Variants in XRCC4 observed in about 807,000 individuals in gnomAD.
The protein encoded by XRCC4 is DNA repair protein XRCC4.
Under a neutral mutation model 39.1 loss-of-function variants are expected in XRCC4, and 28 were observed. The ratio of observed to expected loss-of-function variants is 0.72; its 90% confidence interval spans 0.53 to 0.98. The LOEUF is 0.98. XRCC4 is among the 50% of genes least tolerant of loss of function. The pLI is 0.00. For missense variants in XRCC4, 350 were observed against 376.4 expected (o/e 0.93, Z 0.58); for synonymous variants, 123 against 126.4 (o/e 0.97, Z 0.18).
At chr5:83,150,186 C>T (rs993190478) in intron 3 of XRCC4, among the ~76,000 whole-genome samples, 6 of 152,088 alleles carry the variant, frequency 3.9e-5, no homozygotes, top group African/African-American at 4.8e-5. Context: ...AATACCAGCA[C>T]TCTTCATAAA....
At chr5:83,303,460 T>G (rs1001587656) in intron 7 of XRCC4, among the ~76,000 whole-genome samples, 25 of 152,148 alleles carry the variant, frequency 1.6e-4, no homozygotes, top group Non-Finnish European at 3.1e-4. Context: ...AAATGTTGGT[T>G]GGTGAATGAA....
At chr5:83,191,708 A>G (rs1422810045) in intron 3 of XRCC4, among the ~76,000 whole-genome samples, 1 of 152,102 alleles carries the variant, frequency 6.6e-6, no homozygotes, top group Non-Finnish European at 1.5e-5. Context: ...AAAAAACCCA[A>G]AAAACAAAAA....
At chr5:83,344,736 C>T (rs975177196) in intron 7 of XRCC4, among the ~76,000 whole-genome samples, 4 of 152,116 alleles carry the variant, frequency 2.6e-5, no homozygotes, top group African/African-American at 9.7e-5. Context: ...TCTCCTGATA[C>T]ACATATGCAA....
chr5:83,246,951 T>C (rs1332747847), intron 6 of XRCC4, among the ~76,000 whole-genome samples: 2 of 152,206 alleles, frequency 1.3e-5, no homozygotes, highest in Non-Finnish European at 2.9e-5. Context: ...CCTAGCTGTT[T>C]ATGAATCATA....
At chr5:83,094,884 CTTTT>C (rs74373750) in intron 1 of XRCC4, among the ~76,000 whole-genome samples, 10 of 127,926 alleles carry the variant, frequency 7.8e-5, no homozygotes, top group African/African-American at 1.1e-4. Flanking sequence ...ATTCTGAAAT[CTTTT>C]TTTTTTTTTT....
intron 7 of XRCC4, among the ~76,000 whole-genome samples, chr5:83,292,800 A>C (rs1335773735): frequency 6.6e-6 from 1 of 151,894 alleles, no homozygotes; most frequent in East Asian, 1.9e-4. Context: ...ATAAATTCAT[A>C]ATTTAATCAG....
At chr5:83,157,005 T>C (rs751289524) in intron 3 of XRCC4, among the ~76,000 whole-genome samples, 5 of 151,776 alleles carry the variant, frequency 3.3e-5, no homozygotes, top group Non-Finnish European at 7.4e-5. Context: ...CTCCCTCCTT[T>C]CATTTTTAGA....
intron 7 of XRCC4, among the ~76,000 whole-genome samples, chr5:83,307,812 C>T (rs931503069): frequency 5.3e-5 from 8 of 152,186 alleles, no homozygotes; most frequent in African/African-American, 1.4e-4. Flanking sequence ...TTTATGTATA[C>T]ACCTGTTTAC....
chr5:83,189,286 CT>C (rs928376078), intron 3 of XRCC4, among the ~76,000 whole-genome samples: 28 of 150,938 alleles, frequency 1.9e-4, no homozygotes, highest in Admixed American at 4.6e-4. Context: ...GAGTTTTTTT[CT>C]TTTTTTTTGC....
chr5:83,274,493 G>T (rs1198835787), intron 7 of XRCC4, among the ~76,000 whole-genome samples: 1 of 152,156 alleles, frequency 6.6e-6, no homozygotes, highest in African/African-American at 2.4e-5. Flanking sequence ...ACATGGTGGG[G>T]AGCAAAACAG....
intron 7 of XRCC4, among the ~76,000 whole-genome samples, chr5:83,315,074 A>G (rs1755833500): frequency 6.6e-6 from 1 of 152,174 alleles, no homozygotes; most frequent in Non-Finnish European, 1.5e-5. Context: ...AACTTTTTGA[A>G]GGAAATTAAA....
At chr5:83,336,662 A>G (rs140424449) in intron 7 of XRCC4, among the ~76,000 whole-genome samples, 53 of 152,308 alleles carry the variant, frequency 3.5e-4, no homozygotes, top group African/African-American at 1.3e-3. Flanking sequence ...TAATAATTTA[A>G]TGAAGCGTAG....
intron 3 of XRCC4, among the ~76,000 whole-genome samples, chr5:83,135,314 C>G (rs1747840551): frequency 3.3e-5 from 5 of 152,102 alleles, no homozygotes; most frequent in Admixed American, 2.0e-4. Context: ...ACACTGGGAG[C>G]TATAGACTGG....
At chr5:83,203,090 GT>G (rs1459466400) in intron 4 of XRCC4, among the ~76,000 whole-genome samples, 1 of 152,012 alleles carries the variant, frequency 6.6e-6, no homozygotes, top group South Asian at 2.1e-4. Flanking sequence ...GATAAGTCGT[GT>G]TCTTGTTGTG....
intron 3 of XRCC4, among the ~76,000 whole-genome samples, chr5:83,136,375 T>C (rs1162955436): frequency 6.6e-6 from 1 of 152,220 alleles, no homozygotes; most frequent in African/African-American, 2.4e-5. Context: ...GGCTTAGTCT[T>C]CTGGATACCA....
At chr5:83,372,029 T>C in the XRCC4 span, among the ~76,000 whole-genome samples, 1 of 152,204 alleles carries the variant, frequency 6.6e-6, no homozygotes, top group Non-Finnish European at 1.5e-5. Context: ...GTAGATTTTG[T>C]TGGCCTGTTG....
intron 3 of XRCC4, among the ~76,000 whole-genome samples, chr5:83,122,738 GT>G (rs2112448721): frequency 6.6e-6 from 1 of 152,040 alleles, no homozygotes; most frequent in Admixed American, 6.6e-5. Context: ...GGTATGTTGT[GT>G]TTTCATTTTC....
At chr5:83,115,392 A>C (rs1029784303) in intron 3 of XRCC4, among the ~76,000 whole-genome samples, 1 of 152,214 alleles carries the variant, frequency 6.6e-6, no homozygotes, top group Non-Finnish European at 1.5e-5. Context: ...ACACCATTGC[A>C]CTTCAGCCTG....
chr5:83,126,008 A>T (rs1220709934), intron 3 of XRCC4, among the ~76,000 whole-genome samples: 1 of 141,118 alleles, frequency 7.1e-6, no homozygotes, highest in Non-Finnish European at 1.5e-5. Context: ...AAAAAAAAAA[A>T]ATTGAGTTAC....
Sources: gnomAD v4.1 joint callset for allele counts (sites outside exome capture counted in the v4.1 genomes callset) on GRCh38, gnomAD v4.1.1 for gene constraint, MANE v1.5 for transcripts, NCBI Gene and HGNC (gene_info 2026-07-23, HGNC 2026-07-21) for gene names.